Variants in ZNF804B observed in about 807,000 individuals in gnomAD.
ZNF804B encodes zinc finger 804B.
In ZNF804B, 80 loss-of-function variants were observed where a neutral mutation model predicts 101.4. The ratio of observed to expected loss-of-function variants is 0.79; its 90% confidence interval spans 0.66 to 0.95. ZNF804B has a LOEUF of 0.95. Ranked by LOEUF, ZNF804B falls within the 40% of genes least tolerant of loss-of-function variation. ZNF804B has a pLI of 0.00. For synonymous variants in ZNF804B, 622 were observed against 558.8 expected (o/e 1.11, Z -1.59); for missense variants, 1,673 against 1,561.9 (o/e 1.07, Z -1.20).
chr7:88,769,388 A>G lies in ZNF804B; in HGVS notation c.108+9304A>G, dbSNP rs1790030550. Reference sequence around the variant, plus strand: ...AAGATCTACCAAGATCATTTGGTCAATTGCTTTAGGTATAATTTAGTGTCA... The same window carrying G: ...AAGATCTACCAAGATCATTTGGTCAGTTGCTTTAGGTATAATTTAGTGTCA... On this transcript the variant is annotated intron_variant, in intron 1 of 3. Coordinates refer to ENST00000333190, the MANE Select transcript of ZNF804B (RefSeq NM_181646.5). Among the ~76,000 whole-genome samples the G allele has an allele frequency of 2.6e-5, 4 of 152,264 alleles. No individual in the cohort carries two copies. The South Asian group carries it at 6.2e-4, about 24-fold the overall frequency.
chr7:89,187,165 A>G (rs1429388438), intron 1 of ZNF804B, among the ~76,000 whole-genome samples: 1 of 152,126 alleles, frequency 6.6e-6, no homozygotes, highest in African/African-American at 2.4e-5. Flanking sequence ...GGGGCTCTAC[A>G]TTTGAAAGCA....
chr7:89,319,584 A>T (rs1790788200), intron 2 of ZNF804B, among the ~76,000 whole-genome samples: 2 of 152,190 alleles, frequency 1.3e-5, no homozygotes, highest in Admixed American at 1.3e-4. Flanking sequence ...TACGCGTGAA[A>T]ACATACACAT....
chr7:89,320,272 G>T (rs1019438642), intron 2 of ZNF804B, among the ~76,000 whole-genome samples: 1 of 151,748 alleles, frequency 6.6e-6, no homozygotes, highest in Non-Finnish European at 1.5e-5. Context: ...ATATATTAAA[G>T]GATTTAGTGG....
At chr7:88,867,767 G>A (rs1791753709) in intron 1 of ZNF804B, among the ~76,000 whole-genome samples, 1 of 152,084 alleles carries the variant, frequency 6.6e-6, no homozygotes, top group South Asian at 2.1e-4. Context: ...TATATGTCTA[G>A]AAAATAGTAT....
intron 1 of ZNF804B, among the ~76,000 whole-genome samples, chr7:88,851,573 A>G (rs1219888760): frequency 1.3e-5 from 2 of 151,908 alleles, no homozygotes; most frequent in African/African-American, 4.8e-5. Context: ...TTTTTTTTCC[A>G]GACAAAGACT....
chr7:88,916,696 A>T (rs1457863153), intron 1 of ZNF804B, among the ~76,000 whole-genome samples: 1 of 152,156 alleles, frequency 6.6e-6, no homozygotes, highest in Non-Finnish European at 1.5e-5. Context: ...GTCATATGGC[A>T]TTGAAATATT....
intron 1 of ZNF804B, among the ~76,000 whole-genome samples, chr7:89,184,343 T>A (rs1213644933): frequency 6.6e-6 from 1 of 152,210 alleles, no homozygotes; most frequent in African/African-American, 2.4e-5. Context: ...GGTTCTAGAT[T>A]CATCTTATAG....
At chr7:89,103,001 G>A in intron 1 of ZNF804B, among the ~76,000 whole-genome samples, 1 of 131,762 alleles carries the variant, frequency 7.6e-6, no homozygotes, top group Middle Eastern at 4.8e-3. Flanking sequence ...TATAGACAGT[G>A]GTTTTATTTC....
intron 2 of ZNF804B, among the ~76,000 whole-genome samples, chr7:89,257,516 T>C (rs908565766): frequency 4.6e-5 from 7 of 152,160 alleles, no homozygotes; most frequent in African/African-American, 1.7e-4. Flanking sequence ...ATTATGCTAA[T>C]AGTAATGTCC....
intron 1 of ZNF804B, among the ~76,000 whole-genome samples, chr7:88,809,817 G>A (rs1790754589): frequency 6.6e-6 from 1 of 152,122 alleles, no homozygotes; most frequent in Non-Finnish European, 1.5e-5. Flanking sequence ...AATGTTCCCA[G>A]TCTTTCAGCA....
chr7:88,973,043 T>C (rs1231646899), intron 1 of ZNF804B, among the ~76,000 whole-genome samples: 1 of 151,284 alleles, frequency 6.6e-6, no homozygotes, highest in East Asian at 2.0e-4. Flanking sequence ...CAGTAAGAGA[T>C]TGCTAATGCA....
At chr7:88,948,186 T>C (rs890063291) in intron 1 of ZNF804B, among the ~76,000 whole-genome samples, 1 of 151,536 alleles carries the variant, frequency 6.6e-6, no homozygotes, top group Non-Finnish European at 1.5e-5. Context: ...AAGACCCTCA[T>C]AGCAAACATG....
rs142340503 is a variant in ZNF804B, at chr7:89,166,222, A to G, written c.109-51933A>G. Among the ~76,000 whole-genome samples, 671 of 152,276 alleles carry G rather than the reference A, an allele frequency of 4.4e-3. 7 individuals are homozygous for G. The highest frequency in any genetic ancestry group is 0.015 in the African/African-American group (633 of 41,562). On this transcript the variant is annotated intron_variant, in intron 1 of 3. Transcript: ENST00000333190. ...GTGAATTCCTGTGCTTCAAGAAAAT[A>G]TAGAACTTAATCACCAAGTTGTACA...
At chr7:89,183,185 A>G (rs1277186740) in intron 1 of ZNF804B, among the ~76,000 whole-genome samples, 1 of 151,748 alleles carries the variant, frequency 6.6e-6, no homozygotes, top group Non-Finnish European at 1.5e-5. Flanking sequence ...TGCAGTGGAG[A>G]AAAAAAATGG....
intron 1 of ZNF804B, among the ~76,000 whole-genome samples, chr7:88,771,581 T>C (rs1790064353): frequency 6.6e-6 from 1 of 152,196 alleles, no homozygotes; most frequent in South Asian, 2.1e-4. Flanking sequence ...AACGTCTCTG[T>C]TGCTTCACTT....
intron 2 of ZNF804B, among the ~76,000 whole-genome samples, chr7:89,221,851 A>G (rs1789009793): frequency 6.6e-6 from 1 of 151,866 alleles, no homozygotes; most frequent in Non-Finnish European, 1.5e-5. Flanking sequence ...TCATTAAACA[A>G]TGATTCGGTT....
At chr7:88,835,726 A>T (rs2115793382) in intron 1 of ZNF804B, among the ~76,000 whole-genome samples, 1 of 152,044 alleles carries the variant, frequency 6.6e-6, no homozygotes, top group East Asian at 1.9e-4. Context: ...GTGTGTGTAC[A>T]GGTATTCTAT....
chr7:89,004,710 A>G (rs1011184030), intron 1 of ZNF804B, among the ~76,000 whole-genome samples: 85 of 151,962 alleles, frequency 5.6e-4, no homozygotes, highest in Admixed American at 8.5e-4. Flanking sequence ...TCTCTATTAA[A>G]AAAAAGTCTT....
intron 1 of ZNF804B, among the ~76,000 whole-genome samples, chr7:88,829,967 T>A (rs1331634273): frequency 1.3e-5 from 2 of 152,168 alleles, no homozygotes; most frequent in African/African-American, 4.8e-5. Context: ...TTATTTCAGT[T>A]GTTTGAAGAA....
Sources: allele counts gnomAD v4.1 joint callset (sites outside exome capture counted in the v4.1 genomes callset), GRCh38; gene constraint gnomAD v4.1.1; transcripts MANE v1.5; gene names NCBI Gene and HGNC (gene_info 2026-07-23, HGNC 2026-07-21).